WDR19: variants seen among roughly 807,000 people sequenced by gnomAD.
WDR19 encodes WD repeat domain 19.
A neutral mutation model predicts 180.0 loss-of-function variants in WDR19; 121 were observed. The observed-to-expected ratio is 0.67, with a 90% confidence interval of 0.58 to 0.78. WDR19 has a LOEUF of 0.78. Ranked by LOEUF, WDR19 falls within the 30% of genes least tolerant of loss-of-function variation. The pLI, the probability that WDR19 is intolerant of heterozygous loss-of-function variation, is 0.00. For synonymous variants in WDR19, 497 were observed against 540.7 expected (o/e 0.92, Z 1.12); for missense variants, 1,450 against 1,640.7 (o/e 0.88, Z 2.01).
At chr4:39,269,862 A>G in intron 30 of WDR19, 114 bp from the exon 31 acceptor site, 1 of 1,357,752 alleles carries the variant, frequency 7.4e-7, no homozygotes, top group Non-Finnish European at 1.0e-6. Flanking sequence ...ATAAGACATT[A>G]TTAAGAGATT....
rs759831306 is a variant in WDR19, at chr4:39,199,454, G to A, written c.407-24G>A. The A allele has an allele frequency of 4.4e-6, 7 of 1,580,266 alleles. No individual in the cohort carries two copies. The Admixed American group carries it at 6.7e-5, about 15-fold the overall frequency. ...TTTTCTTTGAGAAATCCACATGTCT[G>A]TATAAAAATAATCTCTTTTTCAGGA... On this transcript the variant is annotated intron_variant, in intron 5 of 36. Coordinates refer to ENST00000399820, the MANE Select transcript of WDR19 (RefSeq NM_025132.4).
chr4:39,201,800 C>T (rs1727402299), intron 6 of WDR19, among the ~76,000 whole-genome samples: 1 of 152,130 alleles, frequency 6.6e-6, no homozygotes, highest in Non-Finnish European at 1.5e-5. Context: ...GAAGTCACTA[C>T]AATTCAGCCA....
Position 39,270,008 on chromosome 4 carries a change from A to G in WDR19, c.3391A>G (p.Ser1131Gly), listed in dbSNP as rs2109496811. The change falls in exon 31 of 37, where the codon AGT becomes GGT. Residue 1131 changes from serine to glycine, a missense_variant. Coordinates refer to ENST00000399820, the MANE Select transcript of WDR19 (RefSeq NM_025132.4). ...CCGGAATGCACACGATGTTCTCTTCAGTATGTATGCAGAACTGAAATCCCA... is the reference window on the plus strand; with the variant it reads ...CCGGAATGCACACGATGTTCTCTTCGGTATGTATGCAGAACTGAAATCCCA... Reference protein sequence around the residue: ...NYRNAHDVLFSMYAELKSQKI... With the variant: ...NYRNAHDVLFGMYAELKSQKI... 2.5e-6 allele frequency: 4 copies of G among 1,613,858 alleles called. No individual in the cohort carries two copies. The highest frequency in any genetic ancestry group is 3.4e-6 in the Non-Finnish European group (4 of 1,179,852).
intron 14 of WDR19, chr4:39,218,402 G>T (rs1729303740): frequency 2.7e-6 from 1 of 372,322 alleles, no homozygotes; most frequent in Non-Finnish European, 4.9e-6. Flanking sequence ...TTGCTCCTAG[G>T]CTACAAACCA....
chr4:39,205,648 A>T lies in WDR19; in HGVS notation c.802A>T (p.Ile268Leu), dbSNP rs372022021. ...TCATACTGGAGAGCTTGGTCAAGAG[A>T]TATTTCAGGCTCGTAACCATAAAGA... The part of the protein sequence containing the change: ...STHTGELGQE[I>L]FQARNHKDNL... The change falls in exon 9 of 37, where the codon ATA becomes TTA. Residue 268 changes from isoleucine to leucine, a missense_variant. Coordinates refer to ENST00000399820, the MANE Select transcript of WDR19 (RefSeq NM_025132.4). 2 of 1,612,782 alleles carry T rather than the reference A, an allele frequency of 1.2e-6. No homozygotes were observed. Among genetic ancestry groups the T allele is most frequent in the African/African-American group, 2.7e-5 (2 of 74,908 alleles).
In WDR19 at chr4:39,240,279, G is replaced by A; in HGVS notation, c.2366G>A (p.Gly789Asp). 1 of 1,378,100 alleles carries A rather than the reference G, an allele frequency of 7.3e-7. No homozygotes were observed. The highest frequency in any genetic ancestry group is 3.1e-5 in the Admixed American group (1 of 31,870). The allele number at this position is 1,378,100 out of a possible 1,614,324, so 85.4% of individuals were successfully genotyped here. A position where few individuals can be genotyped will look rare whatever the true frequency, so the allele number is the denominator to read the frequency against. ...ATTCACTCTTATTTTTTTTTCAGGGGTGATTATGTAAATGCTTTGGCTCAT... is the reference window on the plus strand; with the variant it reads ...ATTCACTCTTATTTTTTTTTCAGGGATGATTATGTAAATGCTTTGGCTCAT... Reference protein sequence around the residue: ...KEYAIQLEFAGDYVNALAHYE... With the variant: ...KEYAIQLEFADDYVNALAHYE... The change falls in exon 21 of 37, where the codon GGT (glycine) becomes GAT (aspartate). Residue 789 changes from glycine to aspartate, a missense_variant and splice_region_variant. By Grantham distance (94) the Gly-to-Asp change is moderately conservative (BLOSUM62 -1). Coordinates refer to ENST00000399820, the MANE Select transcript of WDR19 (RefSeq NM_025132.4).
chr4:39,272,774 A>G (rs549539558), intron 31 of WDR19, among the ~76,000 whole-genome samples: 1 of 152,324 alleles, frequency 6.6e-6, no homozygotes, highest in South Asian at 2.1e-4. Context: ...AAAGCAGAGC[A>G]TAGAGTAGGT....
At chr4:39,208,594 C>T (rs12504524) in intron 9 of WDR19, among the ~76,000 whole-genome samples, 68,594 of 151,896 alleles carry the variant, frequency 0.45, 18,628 homozygotes, top group East Asian at 0.62. Context: ...TGAGCCACCA[C>T]GCCCAGCCTA....
chr4:39,204,175 T>C (rs1267673606), intron 7 of WDR19, among the ~76,000 whole-genome samples: 1 of 151,810 alleles, frequency 6.6e-6, no homozygotes, highest in Non-Finnish European at 1.5e-5. Context: ...AACCTCCACC[T>C]CCTAGGTTCA....
chr4:39,272,015 A>G (rs1013511918), intron 31 of WDR19, among the ~76,000 whole-genome samples: 1 of 152,200 alleles, frequency 6.6e-6, no homozygotes, highest in Non-Finnish European at 1.5e-5. Context: ...TGCTGATTCT[A>G]AGGGAAATGC....
intron 5 of WDR19, among the ~76,000 whole-genome samples, chr4:39,197,441 A>G (rs79085709): frequency 0.12 from 15,387 of 132,356 alleles, 950 homozygotes; most frequent in East Asian, 0.25. Flanking sequence ...AAAAAAAAAA[A>G]AAAAGAAAGA....
chr4:39,284,579 T>G (rs1364813879), intron 36 of WDR19, among the ~76,000 whole-genome samples: 1 of 145,380 alleles, frequency 6.9e-6, no homozygotes, highest in African/African-American at 2.5e-5. Context: ...ACTCAAGTGA[T>G]CCTCCCACCT....
chr4:39,269,859 A>T (rs767673633), intron 30 of WDR19, 117 bp from the exon 31 acceptor site: 16 of 1,338,128 alleles, frequency 1.2e-5, no homozygotes, highest in African/African-American at 1.5e-5. Flanking sequence ...TGAATAAGAC[A>T]TTATTAAGAG....
At chr4:39,257,597 T>TA (rs1560545873) in intron 28 of WDR19, 43 bp downstream of exon 28, 3 of 1,534,210 alleles carry the variant, frequency 2.0e-6, no homozygotes, top group Non-Finnish European at 2.6e-6. Flanking sequence ...GCCAATTTTT[T>TA]AAAAAACTTC....
chr4:39,257,626 A>C, intron 28 of WDR19, 72 bp downstream of exon 28: 2 of 1,414,362 alleles, frequency 1.4e-6, no homozygotes, highest in Non-Finnish European at 1.9e-6. Flanking sequence ...AATTTTAAAT[A>C]TATGCAGAAG....
intron 12 of WDR19, 141 bp from the exon 13 acceptor site, chr4:39,216,989 TTTAA>T: frequency 1.7e-6 from 1 of 585,616 alleles, no homozygotes; most frequent in South Asian, 2.4e-5. Context: ...TAAGATTCAA[TTTAA>T]TTATTTAATC....
intron 25 of WDR19, 86 bp from the exon 26 acceptor site, chr4:39,253,820 T>C: frequency 8.0e-7 from 1 of 1,254,718 alleles, no homozygotes; most frequent in South Asian, 1.7e-5. Flanking sequence ...AAAATTTTGA[T>C]TTTTAAATGG....
intron 3 of WDR19, 102 bp downstream of exon 3, chr4:39,186,706 C>A: frequency 5.2e-6 from 4 of 771,984 alleles, no homozygotes; most frequent in Non-Finnish European, 7.9e-6. Context: ...TCTTTTGCTT[C>A]TTCCATTTGC....
chr4:39,202,647 A>C (rs1727484354), intron 6 of WDR19, among the ~76,000 whole-genome samples: 1 of 152,030 alleles, frequency 6.6e-6, no homozygotes, highest in South Asian at 2.1e-4. Context: ...CTAGGGTTCT[A>C]CCCTTCAGAT....
Sources: gnomAD v4.1 joint callset for allele counts (sites outside exome capture counted in the v4.1 genomes callset) on GRCh38, gnomAD v4.1.1 for gene constraint, MANE v1.5 for transcripts, NCBI Gene and HGNC (gene_info 2026-07-23, HGNC 2026-07-21) for gene names.